The following GMDS variants were observed in gnomAD, a reference collection of about 807,000 sequenced individuals.
The protein encoded by GMDS is GDP-mannose 4,6 dehydratase.
A neutral mutation model predicts 49.9 loss-of-function variants in GMDS; 20 were observed. That is an observed-to-expected ratio of 0.40 (90% confidence interval 0.28 to 0.58). The LOEUF is 0.58. Ranked by LOEUF, GMDS falls within the 20% of genes least tolerant of loss-of-function variation. The probability of loss-of-function intolerance (pLI) is 0.42; values close to 1 mark genes in which losing one functional copy is unlikely to be tolerated. For missense variants in GMDS, 362 were observed against 481.4 expected (o/e 0.75, Z 2.32); for synonymous variants, 177 against 178.6 (o/e 0.99, Z 0.07).
At chr6:1,732,066 G>A (rs761155503) in intron 8 of GMDS, among the ~76,000 whole-genome samples, 13 of 152,206 alleles carry the variant, frequency 8.5e-5, no homozygotes, top group East Asian at 1.9e-4. Context: ...GGTGGCTCAC[G>A]CCTGTAATCC....
chr6:2,056,801 A>T (rs980118579), intron 4 of GMDS, among the ~76,000 whole-genome samples: 10 of 152,110 alleles, frequency 6.6e-5, no homozygotes, highest in African/African-American at 2.4e-4. Flanking sequence ...ACTCTCTGTT[A>T]CTCTTACTAC....
At chr6:1,844,997 G>A (rs1018087639) in intron 7 of GMDS, among the ~76,000 whole-genome samples, 1 of 152,190 alleles carries the variant, frequency 6.6e-6, no homozygotes, top group African/African-American at 2.4e-5. Flanking sequence ...GTACCAGTCT[G>A]TAAGTGCTGC....
At chr6:1,950,097 TAC>T (rs1265570340) in intron 6 of GMDS, among the ~76,000 whole-genome samples, 3 of 152,244 alleles carry the variant, frequency 2.0e-5, no homozygotes, top group African/African-American at 7.2e-5. Flanking sequence ...ATGTAGTATT[TAC>T]ACAGAGAGAA....
chr6:1,855,728 AG>A (rs766637468), intron 7 of GMDS, among the ~76,000 whole-genome samples: 5 of 152,260 alleles, frequency 3.3e-5, no homozygotes, highest in Non-Finnish European at 5.9e-5. Flanking sequence ...AGGTTGACAA[AG>A]AAACAATATT....
chr6:1,783,534 C>T lies in GMDS; in HGVS notation c.772-40948G>A, dbSNP rs561042751. The stretch of plus-strand genomic sequence containing the variant: ...CAAAGACAATCCAAATGGAGGAGCA[C>T]GATTCTCTTATTGTTTGCAATATAG... On this transcript the variant is annotated intron_variant, in intron 7 of 10. Transcript: ENST00000380815. Among the ~76,000 whole-genome samples, 10 of 152,174 alleles carry T rather than the reference C, an allele frequency of 6.6e-5. 1 individual carries two copies. The highest frequency in any genetic ancestry group is 3.9e-4 in the East Asian group (2 of 5,170).
At position 1,948,614 on chromosome 6, in the gene GMDS, C is replaced by T. The variant is rs535013623; in HGVS notation, c.643+11253G>A. Among the ~76,000 whole-genome samples the T allele has an allele frequency of 1.8e-4, 28 of 152,184 alleles. No homozygotes were observed. The South Asian group carries it at 3.9e-3, about 21-fold the overall frequency. On this transcript the variant is annotated intron_variant, in intron 6 of 10. Transcript: ENST00000380815. ...CGAGGCTGCAGTGAACTATGATCAC[C>T]GCTGTACTCCAGCCTGAGCACTGTA...
chr6:1,692,492 TC>T (rs2113340335), intron 9 of GMDS, among the ~76,000 whole-genome samples: 1 of 152,388 alleles, frequency 6.6e-6, no homozygotes, highest in South Asian at 2.1e-4. Context: ...TCTTCAAATA[TC>T]TTTTCTGTCC....
At chr6:2,242,633 C>A (rs1271320124) in intron 1 of GMDS, among the ~76,000 whole-genome samples, 1 of 152,198 alleles carries the variant, frequency 6.6e-6, no homozygotes, top group Non-Finnish European at 1.5e-5. Context: ...CTATTTATTT[C>A]TCTCTGTCTC....
chr6:1,866,885 T>A (rs1393312996), intron 7 of GMDS, among the ~76,000 whole-genome samples: 1 of 152,226 alleles, frequency 6.6e-6, no homozygotes, highest in Non-Finnish European at 1.5e-5. Flanking sequence ...GGAAGGAGAA[T>A]CATCTGACAC....
chr6:1,821,957 G>C (rs190179903), intron 7 of GMDS, among the ~76,000 whole-genome samples: 2 of 152,040 alleles, frequency 1.3e-5, no homozygotes, highest in African/African-American at 2.4e-5. Context: ...AGGGTTAAAG[G>C]CTGGGTCAAT....
intron 7 of GMDS, among the ~76,000 whole-genome samples, chr6:1,895,773 T>C (rs1760142258): frequency 6.6e-6 from 1 of 152,148 alleles, no homozygotes; most frequent in African/African-American, 2.4e-5. Flanking sequence ...TAGTTCTCAG[T>C]TTACTCACCA....
At chr6:1,741,798 C>A (rs1311952476) in intron 8 of GMDS, among the ~76,000 whole-genome samples, 1 of 70,276 alleles carries the variant, frequency 1.4e-5, no homozygotes, top group Non-Finnish European at 2.5e-5. Flanking sequence ...AGCAACAGAG[C>A]AAGACTCTGT....
intron 1 of GMDS, among the ~76,000 whole-genome samples, chr6:2,157,097 TATAACTGTAG>T (rs1777149489): frequency 6.6e-6 from 1 of 152,260 alleles, no homozygotes; most frequent in Non-Finnish European, 1.5e-5. Context: ...AAACTCCATT[TATAACTGTAG>T]CACAGCACAG....
intron 7 of GMDS, among the ~76,000 whole-genome samples, chr6:1,782,805 T>G (rs1346992173): frequency 6.6e-6 from 1 of 152,228 alleles, no homozygotes; most frequent in Non-Finnish European, 1.5e-5. Context: ...GGTGTGAACT[T>G]GTCTAATTCT....
intron 4 of GMDS, among the ~76,000 whole-genome samples, chr6:2,058,338 C>CAAAAAAAA (rs11390421): frequency 2.2e-5 from 2 of 90,320 alleles, no homozygotes; most frequent in Non-Finnish European, 2.4e-5. Context: ...GAGTAAGACT[C>CAAAAAAAA]AAAAAAAAAA....
At chr6:1,641,517 C>A (rs1164066578) in intron 9 of GMDS, among the ~76,000 whole-genome samples, 1 of 152,220 alleles carries the variant, frequency 6.6e-6, no homozygotes, top group South Asian at 2.1e-4. Flanking sequence ...TGTGGCAGAA[C>A]CTGAAGGGCC....
intron 7 of GMDS, among the ~76,000 whole-genome samples, chr6:1,878,555 G>C (rs1201710894): frequency 6.6e-6 from 1 of 152,084 alleles, no homozygotes; most frequent in African/African-American, 2.4e-5. Flanking sequence ...GGCAGGCTCA[G>C]ACACTTCTGC....
In GMDS at chr6:1,688,563, A is replaced by G. The variant is rs79469774; in HGVS notation, c.987+37853T>C. Among the ~76,000 whole-genome samples, 23 of 152,360 alleles carry G rather than the reference A, an allele frequency of 1.5e-4. No individual in the cohort carries two copies. The East Asian group carries it at 4.4e-3, about 29-fold the overall frequency. On this transcript the variant is annotated intron_variant, in intron 9 of 10. Coordinates refer to ENST00000380815, the MANE Select transcript of GMDS (RefSeq NM_001500.4). ...CCTCTCCACGCTCTTCAAAGCATAT[A>G]TTTAGCTATTGAGTCACAAATCCAC...
At chr6:1,999,931 TTATTATA>T (rs1407450044) in intron 4 of GMDS, among the ~76,000 whole-genome samples, 19 of 72,950 alleles carry the variant, frequency 2.6e-4, no homozygotes, top group African/African-American at 8.0e-4. Context: ...ATATTATATA[TTATTATA>T]TATAATATAT....
Sources: allele counts gnomAD v4.1 joint callset (sites outside exome capture counted in the v4.1 genomes callset), GRCh38; gene constraint gnomAD v4.1.1; transcripts MANE v1.5; gene names NCBI Gene and HGNC (gene_info 2026-07-23, HGNC 2026-07-21).